The following CACNA1A variants were observed in gnomAD, a reference collection of about 807,000 sequenced individuals.
The protein encoded by CACNA1A is voltage-dependent P/Q-type calcium channel subunit alpha-1A.
In CACNA1A, 57 loss-of-function variants were observed where a neutral mutation model predicts 262.4. The observed-to-expected ratio is 0.22, with a 90% CI of 0.18 to 0.27. The LOEUF (loss-of-function observed/expected upper bound fraction) is 0.27. Among genes scored for constraint, CACNA1A ranks in the 10% least tolerant of loss-of-function variants. The pLI, the probability that CACNA1A is intolerant of heterozygous loss-of-function variation, is 1.00. For missense variants in CACNA1A, 2,526 were observed against 3,562.8 expected, an observed-to-expected ratio of 0.71 and a Z score of 7.41; for synonymous variants, 1,431 against 1,419.3, an observed-to-expected ratio of 1.01 and a Z score of -0.18.
intron 18 of CACNA1A, among the ~76,000 whole-genome samples, 197 bp downstream of exon 18, chr19:13,300,353 G>T (rs2057762883): frequency 6.6e-6 from 1 of 151,880 alleles, no homozygotes; most frequent in South Asian, 2.1e-4. Flanking sequence ...TGTATCCCCA[G>T]AAGTTAGAAC....
At chr19:13,243,197 G>A (rs543074867) in intron 31 of CACNA1A, among the ~76,000 whole-genome samples, 4 of 152,354 alleles carry the variant, frequency 2.6e-5, no homozygotes, top group African/African-American at 9.6e-5. Flanking sequence ...ATGACCAGGT[G>A]GGGGCACCCC....
rs758786727 is a variant in CACNA1A at position 13,330,342 on chromosome 19, A to G, written c.1256-9T>C. ...GGTGGTTCTCCGCAGAGCTCCAACAATGGAAACATGGCAAGAGAAAAAGAC... is the reference window on the plus strand; with the variant it reads ...GGTGGTTCTCCGCAGAGCTCCAACAGTGGAAACATGGCAAGAGAAAAAGAC... On this transcript the variant is annotated splice_polypyrimidine_tract_variant and intron_variant, in intron 9 of 46. Transcript: ENST00000360228. 7.7e-6 allele frequency: 12 copies of G among 1,551,994 alleles called. 1 individual carries two copies. In the South Asian group the frequency reaches 1.3e-4, roughly 17 times the overall value.
At chr19:13,433,757 A>G (rs562798870) in intron 3 of CACNA1A, among the ~76,000 whole-genome samples, 18 of 152,304 alleles carry the variant, frequency 1.2e-4, no homozygotes, top group Admixed American at 3.9e-4. Flanking sequence ...AAGAGCAAGT[A>G]TAAGTATTAG....
Position 13,308,797 on chromosome 19 carries a change from C to T in CACNA1A, c.1669-269G>A. On this transcript the variant is annotated intron_variant, in intron 12 of 46. Coordinates refer to ENST00000360228, the MANE Select transcript of CACNA1A (RefSeq NM_001127222.2). The surrounding 1 kb of genome is among the most constrained non-coding windows in gnomAD (Gnocchi z 4.2). ...GCTTAAGTGATCCTCCCACCTCAGC[C>T]TCTTGAGTAGCTGGGATTACAGGTG... 1 of 281,142 alleles carries T rather than the reference C, an allele frequency of 3.6e-6. No homozygotes were observed. Among genetic ancestry groups the T allele is most frequent in the Non-Finnish European group, 6.6e-6 (1 of 150,490 alleles). The allele number at this position is 281,142 out of a possible 1,614,324, so 17.4% of individuals were successfully genotyped here.
rs33920209 is a variant in CACNA1A, at chr19:13,217,927, C to CT, written c.5732-3320dup. On this transcript the variant is annotated intron_variant, in intron 38 of 46. Coordinates refer to ENST00000360228, the MANE Select transcript of CACNA1A (RefSeq NM_001127222.2). ...CTTGGGCCACACTGTATAGTTCATT[C>CT]TTTTTTTTTTTTTTTTTTTTTTTTA... 5.8e-3 allele frequency among the ~76,000 whole-genome samples: 530 copies of CT among 91,498 alleles called. 5 individuals carry two copies. The highest frequency in any genetic ancestry group is 0.019 in the African/African-American group (434 of 22,516). The allele number at this position is 91,498 out of a possible 152,430, so 60.0% of individuals were successfully genotyped here. A position where few individuals can be genotyped will look rare whatever the true frequency, so the allele number is the denominator to read the frequency against.
At chr19:13,357,010 G>A (rs921287560) in intron 6 of CACNA1A, among the ~76,000 whole-genome samples, 3 of 152,144 alleles carry the variant, frequency 2.0e-5, no homozygotes, top group Admixed American at 1.3e-4. Flanking sequence ...TAAATTATCA[G>A]GATAACAGTA....
chr19:13,343,287 A>G (rs2058707176), intron 6 of CACNA1A, among the ~76,000 whole-genome samples: 1 of 151,082 alleles, frequency 6.6e-6, no homozygotes, highest in African/African-American at 2.4e-5. Context: ...CACCTAGCTA[A>G]TTTTTGTATT....
At chr19:13,263,667 C>G (rs778944723) in intron 24 of CACNA1A, among the ~76,000 whole-genome samples, 2 of 152,004 alleles carry the variant, frequency 1.3e-5, no homozygotes, top group African/African-American at 4.8e-5. Context: ...ACTACAGGTG[C>G]GTGCCACCAT....
At position 13,506,006 on chromosome 19, in the gene CACNA1A, C is replaced by G. The variant is rs781239273; in HGVS notation, c.219G>C (p.Thr73=). The G allele has an allele frequency of 6.4e-5, 104 of 1,613,884 alleles. No individual in the cohort carries two copies. The highest frequency in any genetic ancestry group is 8.5e-5 in the Non-Finnish European group (100 of 1,179,890). ...TGAAGAGGAAGAGAGACCGGTTAAC[C>G]GTGAGGCAGTTCTGTCGGACGGGGA... ...NPIPVRQNCL[T]VNRSLFLFSE... Residue 73 remains threonine, a synonymous_variant, in exon 1 of 47, where the codon ACG becomes ACC. Transcript: ENST00000360228.
chr19:13,395,652 G>A (rs977645328), intron 3 of CACNA1A, among the ~76,000 whole-genome samples: 2 of 151,830 alleles, frequency 1.3e-5, no homozygotes, highest in South Asian at 2.1e-4. Context: ...TCTAACTTAC[G>A]TTATTTGACC....
rs148014508 is a variant in CACNA1A at position 13,228,494 on chromosome 19, AAT to A, written c.5529-969_5529-968del. On this transcript the variant is annotated intron_variant, in intron 36 of 46. Transcript: ENST00000360228. Reference sequence around the variant, plus strand: ...GGCTGAAGGCTGAAGGGAAGGAGGAAATATGTTCCATGCTTTATCGAGTCTAC... The same window carrying A: ...GGCTGAAGGCTGAAGGGAAGGAGGAAATGTTCCATGCTTTATCGAGTCTAC... 2,466 of 191,772 alleles carry A rather than the reference AAT, an allele frequency of 0.013. 70 individuals carry two copies. The highest frequency in any genetic ancestry group is 0.054 in the African/African-American group (2,302 of 42,298). 11.9% of individuals were successfully genotyped at this position (191,772 alleles called of 1,614,324 possible). A position where few individuals can be genotyped will look rare whatever the true frequency, so the allele number is the denominator to read the frequency against.
At position 13,208,753 on chromosome 19, in the gene CACNA1A, C is replaced by T. The variant is rs1307510001; in HGVS notation, c.6780+3G>A. ...GCCTGGGGTCACTTGCAGCCGCACC[C>T]ACCTGCCGGTGCGCCATGTGCTCTC... On this transcript the variant is annotated splice_donor_region_variant and intron_variant, in intron 46 of 46. Transcript: ENST00000360228. The T allele has an allele frequency of 1.3e-6, 2 of 1,573,814 alleles. No individual in the cohort carries two copies.
Position 13,212,676 on chromosome 19 carries a change from C to G in CACNA1A, c.6005G>C (p.Gly2002Ala), listed in dbSNP as rs1402384624. Residue 2002 changes from glycine (G) to alanine (A), a missense_variant, in exon 41 of 47, where the codon GGC becomes GCC. Gly to Ala is a moderately conservative substitution (Grantham distance 60). This residue lies in a region of CACNA1A where 929 missense variants were observed against 868.1 expected (regional missense o/e 1.07). Transcript: ENST00000360228. This position sits in a 1 kb window ranked among gnomAD's most constrained non-coding sequence, Gnocchi z 5.6. ...CTGGGTGGAGGGGAGGGCGTTCTGG[C>G]CAGGTCCCCCTTCCTGCGTTGGGGA... ...PPSPTQEGGP[G>A]QNALPSTQLD... 1.3e-6 allele frequency: 2 copies of G among 1,512,706 alleles called. No homozygotes were observed. The highest frequency in any genetic ancestry group is 1.8e-6 in the Non-Finnish European group (2 of 1,131,206). 93.7% of individuals were successfully genotyped at this position (1,512,706 alleles called of 1,614,324 possible).
intron 19 of CACNA1A, among the ~76,000 whole-genome samples, chr19:13,293,515 G>A (rs542317054): frequency 2.2e-5 from 3 of 139,322 alleles, no homozygotes; most frequent in South Asian, 2.4e-4. Context: ...GTGCGATCTC[G>A]GCTCACTGCA....
chr19:13,429,792 A>G (rs1160888334), intron 3 of CACNA1A, among the ~76,000 whole-genome samples: 1 of 151,776 alleles, frequency 6.6e-6, no homozygotes, highest in Non-Finnish European at 1.5e-5. Context: ...CCTGGAAAAG[A>G]AGGAAATTCT....
In CACNA1A at chr19:13,208,792, C is replaced by T. The variant is rs748758119; in HGVS notation, c.6744G>A (p.Ser2248=). The T allele has an allele frequency of 1.0e-5, 16 of 1,552,848 alleles. 1 individual carries two copies. Among genetic ancestry groups the T allele is most frequent in the East Asian group, 9.5e-5 (4 of 41,984 alleles). ...CCATGTGCTCTCGGCCCTCGCTGGG[C>T]GAGCGGGACCAGCGCTGGTCCCGAG... The part of the protein sequence containing the change: ...ARARDQRWSR[S]PSEGREHMAH... Residue 2248 remains serine, a synonymous_variant, in exon 46 of 47, where the codon TCG becomes TCA. Coordinates refer to ENST00000360228, the MANE Select transcript of CACNA1A (RefSeq NM_001127222.2).
Position 13,477,556 on chromosome 19 carries a change from T to C in CACNA1A, c.294-22344A>G, listed in dbSNP as rs139335941. On this transcript the variant is annotated intron_variant, in intron 1 of 46. Coordinates refer to ENST00000360228, the MANE Select transcript of CACNA1A (RefSeq NM_001127222.2). ...TAATCAGGTATGCAGCAGCAAACTG[T>C]CTGAATTCACAGCCCAAACTCAACA... Among the ~76,000 whole-genome samples the C allele has an allele frequency of 2.6e-5, 4 of 152,318 alleles. No homozygotes were observed. In the East Asian group the frequency reaches 7.7e-4, roughly 29 times the overall value.
chr19:13,327,557 T>G (rs1194190269), intron 10 of CACNA1A, among the ~76,000 whole-genome samples: 2 of 150,134 alleles, frequency 1.3e-5, no homozygotes, highest in African/African-American at 4.9e-5. Flanking sequence ...AAAATATATA[T>G]ACATATATAT....
At chr19:13,404,315 GCCA>G (rs2059963602) in intron 3 of CACNA1A, among the ~76,000 whole-genome samples, 1 of 152,188 alleles carries the variant, frequency 6.6e-6, no homozygotes, top group Non-Finnish European at 1.5e-5. Context: ...TGAGAGCAGA[GCCA>G]ATCCCTGCAC....
Sources: allele counts gnomAD v4.1 joint callset (sites outside exome capture counted in the v4.1 genomes callset), GRCh38; gene constraint gnomAD v4.1.1; regional missense constraint gnomAD v4.1.1; non-coding constraint Gnocchi (gnomAD v3.1); transcripts MANE v1.5; gene names NCBI Gene and HGNC (gene_info 2026-07-23, HGNC 2026-07-21).